Variants in RRM2B observed in about 807,000 individuals in gnomAD.
The protein encoded by RRM2B is ribonucleoside-diphosphate reductase subunit M2 B.
In RRM2B, 20 loss-of-function variants were observed where a neutral mutation model predicts 45.9. That is an observed-to-expected ratio of 0.44 (90% CI 0.31 to 0.63). RRM2B has a LOEUF of 0.63. RRM2B is among the 30% of genes least tolerant of loss of function. RRM2B has a pLI of 0.09. For synonymous variants in RRM2B, 124 were observed against 132.3 expected (o/e 0.94, Z 0.43); for missense variants, 320 against 414.7 (o/e 0.77, Z 1.98).
Position 102,206,633 on chromosome 8 carries a change from T to C in RRM2B, c.*1500A>G, listed in dbSNP as rs943519162. ...TTGTTGGGAATGGGAAACAACTGCTTGAAGGGGTATACAGAATACCAAATA... is the reference window on the plus strand; with the variant it reads ...TTGTTGGGAATGGGAAACAACTGCTCGAAGGGGTATACAGAATACCAAATA... On this transcript the variant is annotated 3_prime_UTR_variant, in exon 9 of 9. Coordinates refer to ENST00000251810, the MANE Select transcript of RRM2B (RefSeq NM_015713.5). 6.6e-6 allele frequency: 1 copy of C among 152,176 alleles called. No homozygotes were observed. Among genetic ancestry groups the C allele is most frequent in the African/African-American group, 2.4e-5 (1 of 41,450 alleles). 9.4% of individuals were successfully genotyped at this position (152,176 alleles called of 1,614,324 possible). A position where few individuals can be genotyped will look rare whatever the true frequency, so the allele number is the denominator to read the frequency against.
At chr8:102,234,094 T>G (rs950137143) in intron 1 of RRM2B, among the ~76,000 whole-genome samples, 1 of 152,184 alleles carries the variant, frequency 6.6e-6, no homozygotes, top group South Asian at 2.1e-4. Flanking sequence ...ATACTCAAAG[T>G]ATGAAAGTTG....
intron 1 of RRM2B, among the ~76,000 whole-genome samples, chr8:102,234,427 A>G (rs1028255224): frequency 6.6e-6 from 1 of 152,204 alleles, no homozygotes; most frequent in African/African-American, 2.4e-5. Flanking sequence ...TAATGCTTAG[A>G]AACGTGCACA....
intron 2 of RRM2B, among the ~76,000 whole-genome samples, chr8:102,226,304 T>TA: frequency 6.7e-6 from 1 of 148,214 alleles, no homozygotes; most frequent in South Asian, 2.1e-4. Context: ...ATTAATTTGT[T>TA]ACATAATGGG....
At chr8:102,238,606 A>T in intron 1 of RRM2B, 1 of 1,527,966 alleles carries the variant, frequency 6.5e-7, no homozygotes, top group Non-Finnish European at 8.8e-7. Context: ...CCCGGGGCAG[A>T]GCAGCGAGCG....
At chr8:102,215,944 C>CAAAAAAAAAAAAAAAAAAAAAAAA (rs60059243) in intron 6 of RRM2B, among the ~76,000 whole-genome samples, 23 of 75,674 alleles carry the variant, frequency 3.0e-4, no homozygotes, top group African/African-American at 1.1e-3. Flanking sequence ...GACCCTGTCT[C>CAAAAAAAAAAAAAAAAAAAAAAAA]AAAAAAAAAA....
At chr8:102,215,123 G>T (rs1304974987) in intron 6 of RRM2B, among the ~76,000 whole-genome samples, 1 of 149,758 alleles carries the variant, frequency 6.7e-6, no homozygotes, top group Non-Finnish European at 1.5e-5. Context: ...TAGAAAGATG[G>T]AATTCCCAGG....
intron 2 of RRM2B, among the ~76,000 whole-genome samples, chr8:102,230,009 A>G (rs1811001244): frequency 6.6e-6 from 1 of 152,212 alleles, no homozygotes; most frequent in South Asian, 2.1e-4. Flanking sequence ...ACTACATTGG[A>G]AATATTCCCT....
chr8:102,228,538 C>T (rs1041399575), intron 2 of RRM2B, among the ~76,000 whole-genome samples: 3 of 152,210 alleles, frequency 2.0e-5, no homozygotes, highest in East Asian at 3.8e-4. Flanking sequence ...CCCACTGAGC[C>T]GTTAAAACTT....
chr8:102,226,716 G>GAGTTT (rs1414418586), intron 2 of RRM2B, among the ~76,000 whole-genome samples: 1 of 152,066 alleles, frequency 6.6e-6, no homozygotes, highest in Non-Finnish European at 1.5e-5. Context: ...GTAACAACCT[G>GAGTTT]AGTTTTGTTT....
chr8:102,231,716 A>C (rs1266245398), intron 2 of RRM2B, among the ~76,000 whole-genome samples: 1 of 152,064 alleles, frequency 6.6e-6, no homozygotes, highest in African/African-American at 2.4e-5. Context: ...TAAAAATACA[A>C]AAATTAGCTG....
At chr8:102,237,013 A>G (rs1811133015) in intron 1 of RRM2B, among the ~76,000 whole-genome samples, 1 of 150,318 alleles carries the variant, frequency 6.7e-6, no homozygotes. Flanking sequence ...AAATAGCTGT[A>G]TGTTGTCATA....
In RRM2B at chr8:102,207,874, T is replaced by C. The variant is rs1441382096; in HGVS notation, c.*259A>G. The C allele has an allele frequency of 2.5e-6, 1 of 401,046 alleles. No individual in the cohort carries two copies. Among genetic ancestry groups the C allele is most frequent in the Middle Eastern group, 7.5e-4 (1 of 1,336 alleles). The allele number at this position is 401,046 out of a possible 1,614,324, so 24.8% of individuals were successfully genotyped here. A position where few individuals can be genotyped will look rare whatever the true frequency, so the allele number is the denominator to read the frequency against. On this transcript the variant is annotated 3_prime_UTR_variant, in exon 9 of 9. Transcript: ENST00000251810. ...GAGTAAGGGCAGAACCTTAGACTCA[T>C]GTCTGACCCCTCGCCCCATGCTCTT...
chr8:102,232,675 G>A (rs11784180), intron 1 of RRM2B, among the ~76,000 whole-genome samples: 10,319 of 152,094 alleles, frequency 0.068, 357 homozygotes, highest in Middle Eastern at 0.14. Context: ...ATCATGATGG[G>A]CAAATTTCTA....
At chr8:102,210,657 T>A (rs920054360) in intron 8 of RRM2B, among the ~76,000 whole-genome samples, 1 of 152,146 alleles carries the variant, frequency 6.6e-6, no homozygotes, top group Non-Finnish European at 1.5e-5. Context: ...GAGACAGGGT[T>A]TCACCATGTT....
intron 8 of RRM2B, among the ~76,000 whole-genome samples, chr8:102,211,709 A>G (rs1810638851): frequency 6.6e-6 from 1 of 152,350 alleles, no homozygotes; most frequent in African/African-American, 2.4e-5. Flanking sequence ...TAATATACAT[A>G]GTTTATAAGT....
rs925432756 is a variant in RRM2B, at chr8:102,238,548, G to T, written c.48+279C>A. On this transcript the variant is annotated intron_variant, in intron 1 of 8. Coordinates refer to ENST00000251810, the MANE Select transcript of RRM2B (RefSeq NM_015713.5). The stretch of plus-strand genomic sequence containing the variant: ...GAGCGTGAGGCGGATAAACGCAGGG[G>T]TAAGTCTCACCCCGGCCTGAGGCCT... 10 of 1,505,238 alleles carry T rather than the reference G, an allele frequency of 6.6e-6. No individual in the cohort carries two copies. In the East Asian group the frequency reaches 1.5e-4, roughly 23 times the overall value. 93.2% of individuals were successfully genotyped at this position (1,505,238 alleles called of 1,614,324 possible). A position where few individuals can be genotyped will look rare whatever the true frequency, so the allele number is the denominator to read the frequency against.
chr8:102,220,293 T>C (rs1236790826), intron 5 of RRM2B, among the ~76,000 whole-genome samples: 1 of 152,222 alleles, frequency 6.6e-6, no homozygotes, highest in Admixed American at 6.5e-5. Flanking sequence ...GTTTAACATA[T>C]AACTTACTGT....
In RRM2B at chr8:102,212,813, ACAAACT is replaced by A. The variant is rs1810657754; in HGVS notation, c.860_865del (p.Glu287_Phe288del). 1 of 1,610,176 alleles carries A rather than the reference ACAAACT, an allele frequency of 6.2e-7. No individual in the cohort carries two copies. Among genetic ancestry groups the A allele is most frequent in the African/African-American group, 1.3e-5 (1 of 74,826 alleles). On this transcript the variant is annotated inframe_deletion, in exon 8 of 9. Coordinates refer to ENST00000251810, the MANE Select transcript of RRM2B (RefSeq NM_015713.5). The stretch of plus-strand genomic sequence containing the variant: ...AAGTTCCACAAGTAATCTGTCAGCT[ACAAACT>A]CAATGTACTGTTTCATCAAAATGCA...
chr8:102,217,673 G>A lies in RRM2B; in HGVS notation c.684+1141C>T, dbSNP rs28437667. Among the ~76,000 whole-genome samples the A allele has an allele frequency of 7.0e-3, 1,060 of 152,288 alleles. 9 individuals carry two copies. The highest frequency in any genetic ancestry group is 0.025 in the African/African-American group (1,026 of 41,568). On this transcript the variant is annotated intron_variant, in intron 6 of 8. Coordinates refer to ENST00000251810, the MANE Select transcript of RRM2B (RefSeq NM_015713.5). Reference sequence around the variant, plus strand: ...CTAAGGAGCTTAAAGTCTAGCAGAAGAGAGAAAGAAGAAGTACAATACATG... The same window carrying A: ...CTAAGGAGCTTAAAGTCTAGCAGAAAAGAGAAAGAAGAAGTACAATACATG...
Sources: allele counts gnomAD v4.1 joint callset (sites outside exome capture counted in the v4.1 genomes callset), GRCh38; gene constraint gnomAD v4.1.1; transcripts MANE v1.5; gene names NCBI Gene and HGNC (gene_info 2026-07-23, HGNC 2026-07-21).